The following GRM7 variants were observed in gnomAD, a reference collection of about 807,000 sequenced individuals.
GRM7 encodes metabotropic glutamate receptor 7.
Under a neutral mutation model 84.5 loss-of-function variants are expected in GRM7, and 35 were observed. The ratio of observed to expected loss-of-function variants is 0.41; its 90% CI spans 0.32 to 0.55. GRM7 has a LOEUF of 0.55. Ranked by LOEUF, GRM7 falls within the 20% of genes least tolerant of loss-of-function variation. The pLI, the probability that GRM7 is intolerant of heterozygous loss-of-function variation, is 0.19. For missense variants in GRM7, 1,003 were observed against 1,194.6 expected (o/e 0.84, Z 2.36); for synonymous variants, 487 against 455.1 (o/e 1.07, Z -0.89).
rs138736824 is a variant in GRM7 at position 7,432,212 on chromosome 3, A to G, written c.1174+17049A>G. Among the ~76,000 whole-genome samples the G allele has an allele frequency of 4.2e-3, 639 of 152,328 alleles. 9 individuals are homozygous for G. The highest frequency in any genetic ancestry group is 0.015 in the African/African-American group (612 of 41,574). ...AAAAATTTTAAATTAAAATTAATCAACCCTTATTACCTGATAATTAAAGCT... is the reference window on the plus strand; with the variant it reads ...AAAAATTTTAAATTAAAATTAATCAGCCCTTATTACCTGATAATTAAAGCT... On this transcript the variant is annotated intron_variant, in intron 5 of 9. Transcript: ENST00000357716.
chr3:7,691,232 G>C, intron 9 of GRM7: 1 of 1,282,008 alleles, frequency 7.8e-7, no homozygotes, highest in Non-Finnish European at 1.0e-6. Context: ...ACCTCAGCTT[G>C]CACAAAGAGG....
At chr3:6,945,026 C>T (rs1559343359) in intron 1 of GRM7, among the ~76,000 whole-genome samples, 1 of 151,748 alleles carries the variant, frequency 6.6e-6, no homozygotes, top group Non-Finnish European at 1.5e-5. Flanking sequence ...CTTTCTCTTC[C>T]TTGTTTTTCT....
chr3:7,316,768 T>C (rs1311975836), intron 4 of GRM7, among the ~76,000 whole-genome samples: 1 of 111,772 alleles, frequency 8.9e-6, no homozygotes, highest in Admixed American at 7.8e-5. Flanking sequence ...AGGTAGGCAA[T>C]TGCAATTAAG....
Position 7,298,502 on chromosome 3 carries a change from G to A in GRM7, c.737-182G>A, listed in dbSNP as rs1575135845. On this transcript the variant is annotated intron_variant, in intron 2 of 9. Coordinates refer to ENST00000357716, the MANE Select transcript of GRM7 (RefSeq NM_000844.4). ...GATGTCGTGTAATACCATGGAAAGTGCATTAGGTATGAACAACATCTCAGG... is the reference window on the plus strand; with the variant it reads ...GATGTCGTGTAATACCATGGAAAGTACATTAGGTATGAACAACATCTCAGG... 3.0e-5 allele frequency: 17 copies of A among 572,224 alleles called. No individual in the cohort carries two copies. In the South Asian group the frequency reaches 4.0e-4, roughly 13 times the overall value. 35.4% of individuals were successfully genotyped at this position (572,224 alleles called of 1,614,324 possible). A position where few individuals can be genotyped will look rare whatever the true frequency, so the allele number is the denominator to read the frequency against.
intron 1 of GRM7, among the ~76,000 whole-genome samples, chr3:7,093,666 G>C (rs1698747395): frequency 1.1e-5 from 1 of 91,596 alleles, no homozygotes; most frequent in Non-Finnish European, 1.9e-5. Context: ...GATAGAGCAA[G>C]ACTCTGTCTC....
At chr3:7,170,815 A>C (rs1033380919) in intron 2 of GRM7, among the ~76,000 whole-genome samples, 10 of 152,160 alleles carry the variant, frequency 6.6e-5, no homozygotes, top group African/African-American at 2.4e-4. Flanking sequence ...ATACTTGATG[A>C]AACCTACATG....
intron 2 of GRM7, among the ~76,000 whole-genome samples, chr3:7,154,212 A>G (rs1694375980): frequency 6.6e-6 from 1 of 152,176 alleles, no homozygotes; most frequent in African/African-American, 2.4e-5. Context: ...AATGCCTCCA[A>G]TAACTCACTG....
At chr3:7,664,595 T>C (rs1699605516) in intron 8 of GRM7, among the ~76,000 whole-genome samples, 1 of 152,212 alleles carries the variant, frequency 6.6e-6, no homozygotes, top group African/African-American at 2.4e-5. Context: ...CGTGCAATGG[T>C]GGTTTACTGC....
chr3:7,666,918 T>C (rs1408126917), intron 8 of GRM7, among the ~76,000 whole-genome samples: 1 of 152,068 alleles, frequency 6.6e-6, no homozygotes, highest in East Asian at 1.9e-4. Context: ...GATAAATAGT[T>C]CCCAAGAAAA....
chr3:7,260,524 G>A (rs1298207384), intron 2 of GRM7, among the ~76,000 whole-genome samples: 1 of 152,140 alleles, frequency 6.6e-6, no homozygotes, highest in African/African-American at 2.4e-5. Context: ...ATGGCTATTT[G>A]TATTTCTGGG....
At chr3:7,702,445 C>G (rs542107324) in intron 9 of GRM7, among the ~76,000 whole-genome samples, 5 of 152,278 alleles carry the variant, frequency 3.3e-5, no homozygotes, top group Non-Finnish European at 7.4e-5. Context: ...AAAACCTAAC[C>G]CCTATGGCAG....
chr3:7,392,421 C>G (rs1695037589), intron 4 of GRM7, among the ~76,000 whole-genome samples: 2 of 152,322 alleles, frequency 1.3e-5, no homozygotes, highest in South Asian at 2.1e-4. Flanking sequence ...CGCTCCAGAG[C>G]AAGCCCTTCA....
At chr3:7,004,996 C>G in intron 1 of GRM7, among the ~76,000 whole-genome samples, 1 of 152,190 alleles carries the variant, frequency 6.6e-6, no homozygotes, top group Non-Finnish European at 1.5e-5. Flanking sequence ...ACAGCACCCT[C>G]TACAAATTGC....
chr3:7,060,009 C>T (rs1003855878), intron 1 of GRM7, among the ~76,000 whole-genome samples: 12 of 151,892 alleles, frequency 7.9e-5, no homozygotes, highest in East Asian at 1.9e-4. Flanking sequence ...ATATTCCAGG[C>T]GAAGTCCAAA....
At chr3:7,515,416 A>G (rs1700342567) in intron 7 of GRM7, among the ~76,000 whole-genome samples, 1 of 152,122 alleles carries the variant, frequency 6.6e-6, no homozygotes, top group African/African-American at 2.4e-5. Context: ...GCTGACAATC[A>G]AAAATGTCAC....
At chr3:7,707,359 G>C (rs889840043) in intron 9 of GRM7, among the ~76,000 whole-genome samples, 3 of 152,122 alleles carry the variant, frequency 2.0e-5, no homozygotes, top group Non-Finnish European at 4.4e-5. Context: ...CAGTTAATGG[G>C]CCAGATTCTA....
At chr3:6,974,755 G>C (rs1410371817) in intron 1 of GRM7, among the ~76,000 whole-genome samples, 1 of 152,136 alleles carries the variant, frequency 6.6e-6, no homozygotes, top group African/African-American at 2.4e-5. Context: ...AGGGCTGTTG[G>C]GGAGAAATGG....
intron 1 of GRM7, among the ~76,000 whole-genome samples, chr3:7,068,767 G>C (rs894622359): frequency 6.6e-6 from 1 of 151,728 alleles, no homozygotes; most frequent in Non-Finnish European, 1.5e-5. Flanking sequence ...ATTCCATAAG[G>C]TATGCCTCTC....
At chr3:7,597,352 C>G (rs377421085) in intron 8 of GRM7, among the ~76,000 whole-genome samples, 24 of 152,270 alleles carry the variant, frequency 1.6e-4, no homozygotes, top group African/African-American at 5.5e-4. Context: ...TCTCACCAGG[C>G]CCCATCTCCC....
Sources: gnomAD v4.1 joint callset for allele counts (sites outside exome capture counted in the v4.1 genomes callset) on GRCh38, gnomAD v4.1.1 for gene constraint, MANE v1.5 for transcripts, NCBI Gene and HGNC (gene_info 2026-07-23, HGNC 2026-07-21) for gene names.